Variants in PLXDC2 observed in about 807,000 individuals in gnomAD.
PLXDC2 encodes plexin domain containing 2.
A neutral mutation model predicts 68.9 loss-of-function variants in PLXDC2; 40 were observed. The observed-to-expected ratio is 0.58, with a 90% confidence interval of 0.45 to 0.76. The LOEUF (loss-of-function observed/expected upper bound fraction) is 0.76. PLXDC2 is among the 30% of genes least tolerant of loss of function. PLXDC2 has a pLI of 0.00. For synonymous variants in PLXDC2, 243 were observed against 234.2 expected (o/e 1.04, Z -0.34); for missense variants, 644 against 661.9 (o/e 0.97, Z 0.30).
At chr10:19,985,768 G>A (rs1371301338) in intron 1 of PLXDC2, among the ~76,000 whole-genome samples, 7 of 152,162 alleles carry the variant, frequency 4.6e-5, no homozygotes, top group African/African-American at 1.4e-4. Context: ...CAATAATAGC[G>A]GAGGTGATCA....
intron 9 of PLXDC2, among the ~76,000 whole-genome samples, chr10:20,206,480 A>G (rs1364291280): frequency 1.3e-5 from 2 of 152,028 alleles, no homozygotes; most frequent in Admixed American, 6.6e-5. Flanking sequence ...AGCCGTATGT[A>G]ATAGTGTGTT....
At chr10:20,168,139 G>A (rs2131818340) in intron 7 of PLXDC2, among the ~76,000 whole-genome samples, 1 of 152,178 alleles carries the variant, frequency 6.6e-6, no homozygotes, top group Non-Finnish European at 1.5e-5. Flanking sequence ...CAAAAAGAGA[G>A]GGAAAAGTAT....
rs551296174 is a variant in PLXDC2, at chr10:20,221,896, G to C, written c.1312+2794G>C. The stretch of plus-strand genomic sequence containing the variant: ...TGTTGCAAAGAATTTCAGCACATTT[G>C]ATTTCTTGATTTAATTTATTTAATT... On this transcript the variant is annotated intron_variant, in intron 12 of 13. Transcript: ENST00000377252. Among the ~76,000 whole-genome samples, 7 of 152,174 alleles carry C rather than the reference G, an allele frequency of 4.6e-5. No individual in the cohort carries two copies. The East Asian group carries it at 1.2e-3, about 25-fold the overall frequency.
intron 2 of PLXDC2, among the ~76,000 whole-genome samples, chr10:20,033,780 A>T (rs555971362): frequency 6.6e-6 from 1 of 152,214 alleles, no homozygotes; most frequent in Admixed American, 6.5e-5. Context: ...ACAACTGGAG[A>T]TTTGGGTAGG....
chr10:20,024,110 A>T (rs1835357483), intron 2 of PLXDC2, among the ~76,000 whole-genome samples: 1 of 152,208 alleles, frequency 6.6e-6, no homozygotes, highest in Admixed American at 6.5e-5. Context: ...TTCCAAGGCA[A>T]TCTGCTTATT....
chr10:19,892,832 A>G (rs573427796), intron 1 of PLXDC2, among the ~76,000 whole-genome samples: 2 of 152,270 alleles, frequency 1.3e-5, no homozygotes, highest in African/African-American at 4.8e-5. Flanking sequence ...TTATCTATAA[A>G]TAAAACCCTT....
chr10:20,152,415 G>A (rs902191958), intron 6 of PLXDC2, among the ~76,000 whole-genome samples: 2 of 152,088 alleles, frequency 1.3e-5, no homozygotes, highest in East Asian at 1.9e-4. Context: ...TTATAGCTCT[G>A]TGTTGTTCAA....
intron 10 of PLXDC2, among the ~76,000 whole-genome samples, chr10:20,214,916 A>T (rs1385932357): frequency 6.6e-6 from 1 of 152,208 alleles, no homozygotes; most frequent in African/African-American, 2.4e-5. Context: ...TGTGTGTGAC[A>T]TTCACATGCA....
intron 1 of PLXDC2, among the ~76,000 whole-genome samples, chr10:19,878,950 C>T (rs554498538): frequency 2.6e-5 from 4 of 152,246 alleles, no homozygotes; most frequent in Admixed American, 1.3e-4. Flanking sequence ...GTTTCTCCTC[C>T]ACAAAGGTAT....
chr10:20,110,769 T>A (rs1372516674), intron 4 of PLXDC2, among the ~76,000 whole-genome samples: 1 of 152,214 alleles, frequency 6.6e-6, no homozygotes, highest in Non-Finnish European at 1.5e-5. Context: ...TCAATCTTTC[T>A]ATTTTTCTCC....
chr10:19,916,480 A>G (rs1833368664), intron 1 of PLXDC2, among the ~76,000 whole-genome samples: 1 of 151,894 alleles, frequency 6.6e-6, no homozygotes. Context: ...TTTTCAAAAT[A>G]CATATGGATA....
chr10:20,102,850 G>A (rs888756273), intron 4 of PLXDC2, among the ~76,000 whole-genome samples: 7 of 152,170 alleles, frequency 4.6e-5, no homozygotes, highest in Admixed American at 1.3e-4. Context: ...TTAAAGCCAC[G>A]GGATAGGACA....
chr10:20,125,582 G>A (rs1347373922), intron 4 of PLXDC2, among the ~76,000 whole-genome samples: 1 of 152,166 alleles, frequency 6.6e-6, no homozygotes. Flanking sequence ...AGAGGTTTGA[G>A]CCTGACCATA....
intron 2 of PLXDC2, among the ~76,000 whole-genome samples, chr10:20,044,233 CTT>C (rs1297533220): frequency 1.2e-5 from 1 of 83,584 alleles, no homozygotes; most frequent in Non-Finnish European, 2.2e-5. Context: ...TTCTTTCTTT[CTT>C]TCTTTCTTTC....
intron 1 of PLXDC2, among the ~76,000 whole-genome samples, chr10:19,830,690 G>A (rs1414491016): frequency 3.7e-5 from 2 of 53,594 alleles, no homozygotes; most frequent in Non-Finnish European, 7.0e-5. Context: ...CTTCACCCCT[G>A]GACCTCAGGC....
chr10:20,273,812 T>G (rs894122623), intron 13 of PLXDC2, among the ~76,000 whole-genome samples: 5 of 152,122 alleles, frequency 3.3e-5, no homozygotes, highest in Admixed American at 6.5e-5. Flanking sequence ...AGGCTAGAAG[T>G]TCGAGACCAG....
At chr10:19,881,493 G>A (rs1351805589) in intron 1 of PLXDC2, among the ~76,000 whole-genome samples, 4 of 151,358 alleles carry the variant, frequency 2.6e-5, no homozygotes, top group African/African-American at 9.7e-5. Flanking sequence ...AATGCTTAAC[G>A]CAAGACTAGT....
At chr10:19,930,069 C>T (rs12763380) in intron 1 of PLXDC2, among the ~76,000 whole-genome samples, 35,149 of 151,862 alleles carry the variant, frequency 0.23, 4,896 homozygotes, top group South Asian at 0.35. Flanking sequence ...AATTTCATTG[C>T]TCCAGCCCAC....
At chr10:20,170,233 C>G (rs1302911963) in intron 7 of PLXDC2, among the ~76,000 whole-genome samples, 1 of 152,170 alleles carries the variant, frequency 6.6e-6, no homozygotes, top group African/African-American at 2.4e-5. Flanking sequence ...CTCTGTCACC[C>G]AGGCTGGAGT....
Sources: allele counts gnomAD v4.1 joint callset (sites outside exome capture counted in the v4.1 genomes callset), GRCh38; gene constraint gnomAD v4.1.1; transcripts MANE v1.5; gene names NCBI Gene and HGNC (gene_info 2026-07-23, HGNC 2026-07-21).